NDUFV1: variants seen among roughly 807,000 people sequenced by gnomAD.
NDUFV1 encodes NADH:ubiquinone oxidoreductase core subunit V1.
NDUFV1 carries 41 observed loss-of-function variants against 48.7 expected under a neutral mutation model. The observed-to-expected ratio is 0.84, with a 90% CI of 0.66 to 1.09. The LOEUF (loss-of-function observed/expected upper bound fraction) is 1.09, where lower values mean the gene tolerates loss of function less well. Among genes scored for constraint, NDUFV1 ranks in the 50% least tolerant of loss-of-function variants. NDUFV1 has a pLI of 0.00. For synonymous variants in NDUFV1, 231 were observed against 259.1 expected (o/e 0.89, Z 1.04); for missense variants, 580 against 645.4 (o/e 0.90, Z 1.10).
chr11:67,608,293 G>C, intron 1 of NDUFV1, 103 bp from the exon 2 acceptor site: 2 of 1,101,052 alleles, frequency 1.8e-6, no homozygotes, highest in Non-Finnish European at 2.8e-6. Context: ...CCTAGCCCTA[G>C]CCCAGCCCCT....
At chr11:67,610,935 C>T in intron 5 of NDUFV1, 60 bp from the exon 6 acceptor site, 1 of 1,543,716 alleles carries the variant, frequency 6.5e-7, no homozygotes, top group East Asian at 2.2e-5. Flanking sequence ...ACACACCTCC[C>T]TGCCAGGAAA....
Position 67,612,119 on chromosome 11 carries a change from G to T in NDUFV1, c.1163-1G>T. On this transcript the variant is annotated splice_acceptor_variant, in intron 8 of 9. Coordinates refer to ENST00000322776, the MANE Select transcript of NDUFV1 (RefSeq NM_007103.4). LOFTEE classifies it high-confidence loss of function. This position sits in a 1 kb window ranked among gnomAD's most constrained non-coding sequence, Gnocchi z 4.4. ...GCCCTCTCTTGTGGCTGTGGCTGCAGGTGTGGACTGGATGAACAAGGTGAT... is the reference window on the plus strand; with the variant it reads ...GCCCTCTCTTGTGGCTGTGGCTGCATGTGTGGACTGGATGAACAAGGTGAT... The T allele has an allele frequency of 6.2e-7, 1 of 1,613,758 alleles. No individual in the cohort carries two copies. The highest frequency in any genetic ancestry group is 8.5e-7 in the Non-Finnish European group (1 of 1,179,948).
At position 67,611,658 on chromosome 11, in the gene NDUFV1, C is replaced by A; in HGVS notation, c.1080+89C>A. On this transcript the variant is annotated intron_variant, in intron 7 of 9. Coordinates refer to ENST00000322776, the MANE Select transcript of NDUFV1 (RefSeq NM_007103.4). The surrounding 1 kb of genome is among the most constrained non-coding windows in gnomAD (Gnocchi z 4.2). ...CCCAGAAAACCCTCTTGCCAGCACT[C>A]AGGTCTCAGTTCCTGCAGCCTGAGA... The A allele has an allele frequency of 6.5e-7, 1 of 1,536,296 alleles. No homozygotes were observed. Among genetic ancestry groups the A allele is most frequent in the Non-Finnish European group, 8.8e-7 (1 of 1,135,572 alleles).
chr11:67,610,338 T>C (rs746654917), intron 4 of NDUFV1, 43 bp from the exon 5 acceptor site: 28 of 1,585,786 alleles, frequency 1.8e-5, no homozygotes, highest in Non-Finnish European at 2.3e-5. Flanking sequence ...GGCTGACTCC[T>C]GGGCTGGGGG....
intron 4 of NDUFV1, 172 bp from the exon 5 acceptor site, chr11:67,610,209 C>A: frequency 1.5e-6 from 1 of 673,672 alleles, no homozygotes; most frequent in Non-Finnish European, 2.6e-6. Context: ...CTTATCTGTT[C>A]CAGATCATAG....
At chr11:67,610,716 C>A (rs1436142604) in intron 5 of NDUFV1, 146 bp downstream of exon 5, 8 of 1,146,264 alleles carry the variant, frequency 7.0e-6, no homozygotes, top group East Asian at 5.1e-5. Context: ...CACACAGGCT[C>A]CCCCAGGGCC....
chr11:67,607,386 T>C, intron 1 of NDUFV1: 1 of 578,110 alleles, frequency 1.7e-6, no homozygotes, highest in Admixed American at 2.2e-5. Context: ...CGTGAAGGGG[T>C]CATTGCCCCA....
At position 67,607,613 on chromosome 11, in the gene NDUFV1, C is replaced by T. The variant is rs374394252; in HGVS notation, c.72+537C>T. The T allele has an allele frequency of 1.2e-3, 451 of 388,170 alleles. 7 individuals are homozygous for T. Among genetic ancestry groups the T allele is most frequent in the South Asian group, 8.0e-3 (434 of 54,052 alleles). 24.0% of individuals were successfully genotyped at this position (388,170 alleles called of 1,614,324 possible). A position where few individuals can be genotyped will look rare whatever the true frequency, so the allele number is the denominator to read the frequency against. On this transcript the variant is annotated intron_variant, in intron 1 of 9. Coordinates refer to ENST00000322776, the MANE Select transcript of NDUFV1 (RefSeq NM_007103.4). ...AGTAAACACATTTCGCCTCTTCGGC[C>T]GAGGTAGGAATATAAAAGGCCCCTG...
Position 67,606,983 on chromosome 11 carries a change from G to T in NDUFV1, c.-22G>T. On this transcript the variant is annotated 5_prime_UTR_variant, in exon 1 of 10. Coordinates refer to ENST00000322776, the MANE Select transcript of NDUFV1 (RefSeq NM_007103.4). ...AGTGCTATGAAGGTGACAGCGTGAG[G>T]TGACCCATCTGGCCCGCCGCGATGC... 7 of 1,606,370 alleles carry T rather than the reference G, an allele frequency of 4.4e-6. No individual in the cohort carries two copies. Among genetic ancestry groups the T allele is most frequent in the Non-Finnish European group, 5.9e-6 (7 of 1,177,284 alleles).
In NDUFV1 at chr11:67,611,412, C is replaced by T. The variant is rs200925993; in HGVS notation, c.923C>T (p.Thr308Met). 1.7e-5 allele frequency: 27 copies of T among 1,613,726 alleles called. No individual in the cohort carries two copies. In the Admixed American group the frequency reaches 1.8e-4, roughly 11 times the overall value. Reference sequence around the variant, plus strand: ...CGACTTGGGGCCCCAGGGGGTGTCACGGGCGGCTGGGACAACCTCCTTGCT... The same window carrying T: ...CGACTTGGGGCCCCAGGGGGTGTCATGGGCGGCTGGGACAACCTCCTTGCT... ...ELIEKHAGGV[T>M]GGWDNLLAVI... The change falls in exon 7 of 10, where the codon ACG (threonine) becomes ATG (methionine). Residue 308 changes from threonine (T) to methionine (M), a missense_variant. Thr to Met is a moderately conservative substitution (Grantham distance 81, BLOSUM62 -1). Transcript: ENST00000322776. The surrounding 1 kb of genome is among the most constrained non-coding windows in gnomAD (Gnocchi z 4.2).
rs375031063 is a variant in NDUFV1, at chr11:67,610,617, G to A, written c.700+47G>A. The A allele has an allele frequency of 7.9e-5, 126 of 1,603,902 alleles. No individual in the cohort carries two copies. In the African/African-American group the frequency reaches 1.3e-3, roughly 16 times the overall value. Reference sequence around the variant, plus strand: ...GGTCAGACTGTGTCCTGTGACACCCGGGATCTGGCTAGGCTCCCTTTGGAT... The same window carrying A: ...GGTCAGACTGTGTCCTGTGACACCCAGGATCTGGCTAGGCTCCCTTTGGAT... On this transcript the variant is annotated intron_variant, in intron 5 of 9. Transcript: ENST00000322776.
At position 67,609,539 on chromosome 11, in the gene NDUFV1, G is replaced by A. The variant is rs148461900; in HGVS notation, c.414G>A (p.Leu138=). The A allele has an allele frequency of 2.5e-6, 4 of 1,613,286 alleles. No homozygotes were observed. Among genetic ancestry groups the A allele is most frequent in the Non-Finnish European group, 3.4e-6 (4 of 1,179,852 alleles). The part of the protein sequence containing the change: ...REILRHDPHK[L]LEGCLVGGRA... Reference sequence around the variant, plus strand: ...TCTTACGCCATGATCCTCACAAGCTGCTGGAAGGCTGCCTGGTGGGGGGCC... The same window carrying A: ...TCTTACGCCATGATCCTCACAAGCTACTGGAAGGCTGCCTGGTGGGGGGCC... Residue 138 remains leucine, a synonymous_variant, in exon 4 of 10, where the codon CTG becomes CTA. Coordinates refer to ENST00000322776, the MANE Select transcript of NDUFV1 (RefSeq NM_007103.4).
At position 67,608,496 on chromosome 11, in the gene NDUFV1, G is replaced by C; in HGVS notation, c.155+18G>C. On this transcript the variant is annotated intron_variant, in intron 2 of 9. Coordinates refer to ENST00000322776, the MANE Select transcript of NDUFV1 (RefSeq NM_007103.4). ...GACTGGAGGTGAGACAGTGCCCTTA[G>C]TGTGTTGGGTCCCGGAGCAAGGTGT... 6.2e-7 allele frequency: 1 copy of C among 1,614,202 alleles called. No homozygotes were observed. Among genetic ancestry groups the C allele is most frequent in the Non-Finnish European group, 8.5e-7 (1 of 1,180,036 alleles).
In NDUFV1 at chr11:67,612,094, GCC is replaced by G. The variant is rs1309571056; in HGVS notation, c.1163-24_1163-23del. 1 of 1,613,564 alleles carries G rather than the reference GCC, an allele frequency of 6.2e-7. No homozygotes were observed. Among genetic ancestry groups the G allele is most frequent in the East Asian group, 2.2e-5 (1 of 44,822 alleles). ...ACATCCTGGCTGGGGAGATCATCAG[GCC>G]CTCTCTTGTGGCTGTGGCTGCAGGT... On this transcript the variant is annotated intron_variant, in intron 8 of 9. Transcript: ENST00000322776. The surrounding 1 kb of genome is among the most constrained non-coding windows in gnomAD (Gnocchi z 4.4).
At position 67,610,397 on chromosome 11, in the gene NDUFV1, C is replaced by A; in HGVS notation, c.527C>A (p.Ala176Asp). The change falls in exon 5 of 10, where the codon GCC (alanine) becomes GAC (aspartate). Residue 176 changes from alanine to aspartate, a missense_variant. Ala to Asp is a moderately radical substitution (Grantham distance 126). Coordinates refer to ENST00000322776, the MANE Select transcript of NDUFV1 (RefSeq NM_007103.4). ...ASNLQVAIRE[A>D]YEAGLIGKNA... is the part of the protein sequence containing the mutation. ...GTCCTGCAGGTGGCCATCCGAGAGG[C>A]CTATGAGGCAGGTCTGATTGGCAAG... The A allele has an allele frequency of 1.2e-6, 2 of 1,614,140 alleles. No homozygotes were observed. Among genetic ancestry groups the A allele is most frequent in the Non-Finnish European group, 1.7e-6 (2 of 1,180,034 alleles).
chr11:67,608,557 A>G lies in NDUFV1; in HGVS notation c.161A>G (p.Lys54Arg). Residue 54 changes from lysine (K) to arginine (R), a missense_variant, in exon 3 of 10, where the codon AAA (lysine) becomes AGA (arginine). Coordinates refer to ENST00000322776, the MANE Select transcript of NDUFV1 (RefSeq NM_007103.4). ...NLYGRHDWRL[K>R]GSLSRGDWYK... ...GCCTTCCCTATTCTGTCCAGGCTGA[A>G]AGGTTCCCTGAGTCGAGGTGACTGG... The G allele has an allele frequency of 1.2e-6, 2 of 1,614,168 alleles. No individual in the cohort carries two copies. The highest frequency in any genetic ancestry group is 1.7e-6 in the Non-Finnish European group (2 of 1,180,020).
chr11:67,612,151 T>A lies in NDUFV1; in HGVS notation c.1194T>A (p.Arg398=), dbSNP rs1591112053. The A allele has an allele frequency of 6.2e-7, 1 of 1,613,018 alleles. No homozygotes were observed. The highest frequency in any genetic ancestry group is 1.1e-5 in the South Asian group (1 of 91,040). Residue 398 remains arginine, a synonymous_variant, in exon 9 of 10, where the codon CGT becomes CGA. Coordinates refer to ENST00000322776, the MANE Select transcript of NDUFV1 (RefSeq NM_007103.4). The surrounding 1 kb of genome is among the most constrained non-coding windows in gnomAD (Gnocchi z 4.4). The part of the protein sequence containing the change: ...GVDWMNKVMA[R]FVRGDARPAE... ...ACTGGATGAACAAGGTGATGGCACG[T>A]TTCGTGAGGGGGGATGCCCGGCCGG...
At position 67,609,575 on chromosome 11, in the gene NDUFV1, C is replaced by T. The variant is rs376559227; in HGVS notation, c.450C>T (p.Gly150=). The T allele has an allele frequency of 4.5e-5, 72 of 1,611,952 alleles. No homozygotes were observed. The highest frequency in any genetic ancestry group is 6.7e-5 in the African/African-American group (5 of 74,936). ...EGCLVGGRAM[G]ARAAYIYIRG... is the part of the protein sequence containing the mutation. ...GCCTGGTGGGGGGCCGGGCCATGGG[C>T]GCCCGCGCTGCCTATATCTACATCC... is the stretch of plus-strand genomic sequence containing the variant. Residue 150 remains glycine, a synonymous_variant, in exon 4 of 10, where the codon GGC becomes GGT. Transcript: ENST00000322776.
chr11:67,607,920 C>G (rs563115121), intron 1 of NDUFV1, among the ~76,000 whole-genome samples: 1 of 152,220 alleles, frequency 6.6e-6, no homozygotes, highest in African/African-American at 2.4e-5. Context: ...CCATCCAGTA[C>G]CTGCTAAACA....
Sources: allele counts gnomAD v4.1 joint callset (sites outside exome capture counted in the v4.1 genomes callset), GRCh38; gene constraint gnomAD v4.1.1; non-coding constraint Gnocchi (gnomAD v3.1); transcripts MANE v1.5; gene names NCBI Gene and HGNC (gene_info 2026-07-23, HGNC 2026-07-21).